The following LAMA2 variants were observed in gnomAD, a reference collection of about 807,000 sequenced individuals.
LAMA2 encodes the protein laminin subunit alpha-2.
LAMA2 carries 269 observed loss-of-function variants against 364.8 expected under a neutral mutation model. The observed-to-expected ratio is 0.74, with a 90% CI of 0.67 to 0.82. The LOEUF (loss-of-function observed/expected upper bound fraction) is 0.82. LAMA2 is among the 40% of genes least tolerant of loss of function. The pLI, the probability that LAMA2 is intolerant of heterozygous loss-of-function variation, is 0.00. For synonymous variants in LAMA2, 1,379 were observed against 1,370.6 expected (o/e 1.01, Z -0.14); for missense variants, 3,807 against 3,873.2 (o/e 0.98, Z 0.45).
chr6:129,307,993 C>G (rs1773984448), intron 22 of LAMA2, among the ~76,000 whole-genome samples: 1 of 152,180 alleles, frequency 6.6e-6, no homozygotes. Flanking sequence ...ATAATAGACT[C>G]TAACCACCTT....
At chr6:129,053,139 C>G (rs1036035053) in intron 2 of LAMA2, among the ~76,000 whole-genome samples, 2 of 152,168 alleles carry the variant, frequency 1.3e-5, no homozygotes, top group African/African-American at 2.4e-5. Flanking sequence ...AGTGCAATGG[C>G]ACGACCTCGG....
chr6:129,515,638 G>GTACT (rs1357302587), intron 64 of LAMA2, among the ~76,000 whole-genome samples: 4 of 151,178 alleles, frequency 2.6e-5, no homozygotes, highest in African/African-American at 9.7e-5. Flanking sequence ...AAGTAAGTCA[G>GTACT]TACTTAAAAG....
rs145491858 is a variant in LAMA2, at chr6:129,501,043, C to G, written c.8245-1616C>G. Among the ~76,000 whole-genome samples, 546 of 152,214 alleles carry G rather than the reference C, an allele frequency of 3.6e-3. 2 individuals carry two copies. Among genetic ancestry groups the G allele is most frequent in the Middle Eastern group, 6.8e-3 (2 of 294 alleles). On this transcript the variant is annotated intron_variant, in intron 58 of 64. Coordinates refer to ENST00000421865, the MANE Select transcript of LAMA2 (RefSeq NM_000426.4). ...AAAGATGTTTCAGTGAAATTCTGCCCCCAGTGGACTCACAGCAGATAGGAT... is the reference window on the plus strand; with the variant it reads ...AAAGATGTTTCAGTGAAATTCTGCCGCCAGTGGACTCACAGCAGATAGGAT...
rs372455406 is a variant in LAMA2 at position 129,226,741 on chromosome 6, C to T, written c.1783-23371C>T. 5.3e-5 allele frequency among the ~76,000 whole-genome samples: 8 copies of T among 152,100 alleles called. 1 individual carries two copies. The East Asian group carries it at 1.2e-3, about 22-fold the overall frequency. The stretch of plus-strand genomic sequence containing the variant: ...GGCTTCCCTTTGAGGGTAACCCGAC[C>T]TTTCTCTCTGGCTGCCCTTAACATT... On this transcript the variant is annotated intron_variant, in intron 12 of 64. Transcript: ENST00000421865.
At chr6:129,318,269 A>G (rs1774740008) in intron 27 of LAMA2, among the ~76,000 whole-genome samples, 1 of 152,122 alleles carries the variant, frequency 6.6e-6, no homozygotes, top group Non-Finnish European at 1.5e-5. Context: ...CAGTGCTGGC[A>G]TTATCTTTTT....
In LAMA2 at chr6:128,926,988, T is replaced by C. The variant is rs1779142727; in HGVS notation, c.112+43631T>C. On this transcript the variant is annotated intron_variant, in intron 1 of 64. Transcript: ENST00000421865. ...TACATTCATCCTCTAAGGTATAGTT[T>C]TGGGTATAAACCATCGAGCAAGCAC... 2.0e-5 allele frequency among the ~76,000 whole-genome samples: 3 copies of C among 152,334 alleles called. No individual in the cohort carries two copies. In the South Asian group the frequency reaches 6.2e-4, roughly 32 times the overall value.
intron 1 of LAMA2, among the ~76,000 whole-genome samples, chr6:128,937,677 A>C (rs929979407): frequency 3.3e-5 from 5 of 151,556 alleles, no homozygotes; most frequent in Non-Finnish European, 7.4e-5. Flanking sequence ...TTGAATCCTC[A>C]TTCCTTTTTT....
intron 37 of LAMA2, among the ~76,000 whole-genome samples, chr6:129,395,668 C>T (rs1387132180): frequency 6.6e-6 from 1 of 152,214 alleles, no homozygotes; most frequent in Admixed American, 6.5e-5. Flanking sequence ...AAGCAAACCA[C>T]TCCATACGCT....
At chr6:129,416,910 G>A (rs2114721984) in intron 40 of LAMA2, among the ~76,000 whole-genome samples, 1 of 152,300 alleles carries the variant, frequency 6.6e-6, no homozygotes. Context: ...ATGTGAGGCT[G>A]TGGCTGAACC....
At chr6:128,920,996 C>T (rs1289450867) in intron 1 of LAMA2, among the ~76,000 whole-genome samples, 12 of 152,164 alleles carry the variant, frequency 7.9e-5, no homozygotes, top group Middle Eastern at 3.2e-3. Flanking sequence ...TTCTGATCAT[C>T]GATCCTGTCT....
chr6:129,216,319 C>T (rs1047131478), intron 12 of LAMA2, among the ~76,000 whole-genome samples: 5 of 152,106 alleles, frequency 3.3e-5, no homozygotes, highest in Non-Finnish European at 7.4e-5. Flanking sequence ...TTAGAGCTGC[C>T]TAGAGCATAG....
At chr6:129,444,426 A>G (rs565097027) in intron 44 of LAMA2, among the ~76,000 whole-genome samples, 1 of 152,352 alleles carries the variant, frequency 6.6e-6, no homozygotes, top group African/African-American at 2.4e-5. Flanking sequence ...TATTAAAAGC[A>G]TACAAAATAA....
chr6:129,155,124 T>C (rs1210504280), intron 8 of LAMA2, among the ~76,000 whole-genome samples: 1 of 152,214 alleles, frequency 6.6e-6, no homozygotes, highest in Non-Finnish European at 1.5e-5. Flanking sequence ...CACGAACATA[T>C]CAAAATTTTA....
chr6:129,508,208 A>G (rs560249262), intron 62 of LAMA2, among the ~76,000 whole-genome samples: 1 of 139,770 alleles, frequency 7.2e-6, no homozygotes, highest in Admixed American at 7.6e-5. Context: ...AATAACCTCT[A>G]CATAATAATT....
At chr6:129,106,417 A>C (rs1775827716) in intron 4 of LAMA2, among the ~76,000 whole-genome samples, 1 of 152,190 alleles carries the variant, frequency 6.6e-6, no homozygotes, top group Non-Finnish European at 1.5e-5. Flanking sequence ...AAATGAGGGA[A>C]TGGAAATGAA....
chr6:129,118,077 G>T (rs139360741), intron 4 of LAMA2, among the ~76,000 whole-genome samples: 1 of 152,290 alleles, frequency 6.6e-6, no homozygotes, highest in Non-Finnish European at 1.5e-5. Flanking sequence ...AAGAACATCA[G>T]TGTGACTCCC....
At chr6:129,164,410 C>A (rs1263970531) in intron 8 of LAMA2, among the ~76,000 whole-genome samples, 1 of 152,182 alleles carries the variant, frequency 6.6e-6, no homozygotes, top group East Asian at 1.9e-4. Flanking sequence ...AAACCTCAGA[C>A]AGCAAAACTA....
chr6:129,454,233 G>A lies in LAMA2; in HGVS notation c.6652G>A (p.Glu2218Lys). 1 of 1,612,350 alleles carries A rather than the reference G, an allele frequency of 6.2e-7. No homozygotes were observed. The highest frequency in any genetic ancestry group is 8.5e-7 in the Non-Finnish European group (1 of 1,178,622). The change falls in exon 47 of 65, where the codon GAG becomes AAG. Residue 2218 changes from glutamate to lysine, a missense_variant. Glu to Lys is a moderately conservative substitution (Grantham distance 56). Coordinates refer to ENST00000421865, the MANE Select transcript of LAMA2 (RefSeq NM_000426.4). ...TGTTGGATCTGGAGTTGGACGTGTA[G>A]AGTACCCAGATTTGACTATTGATGA... ...WDVGSGVGRV[E>K]YPDLTIDDSY...
chr6:129,443,660 G>A (rs181414316), intron 44 of LAMA2, among the ~76,000 whole-genome samples: 23 of 152,140 alleles, frequency 1.5e-4, no homozygotes, highest in Admixed American at 1.5e-3. Context: ...ATTATATTTG[G>A]AGAAACACAT....
Sources: allele counts gnomAD v4.1 joint callset (sites outside exome capture counted in the v4.1 genomes callset), GRCh38; gene constraint gnomAD v4.1.1; transcripts MANE v1.5; gene names NCBI Gene and HGNC (gene_info 2026-07-23, HGNC 2026-07-21).